Variants in TTBK2 observed in about 807,000 individuals in gnomAD.
TTBK2 encodes tau-tubulin kinase 2.
Under a neutral mutation model 110.8 loss-of-function variants are expected in TTBK2, and 28 were observed. The ratio of observed to expected loss-of-function variants is 0.25; its 90% confidence interval spans 0.19 to 0.35. The LOEUF (loss-of-function observed/expected upper bound fraction) is 0.35. Ranked by LOEUF, TTBK2 falls within the 10% of genes least tolerant of loss-of-function variation. TTBK2 has a pLI of 1.00. For synonymous variants in TTBK2, 532 were observed against 527.3 expected, an observed-to-expected ratio of 1.01 and a Z score of -0.12; for missense variants, 1,369 against 1,500.3, an observed-to-expected ratio of 0.91 and a Z score of 1.45.
intron 1 of TTBK2, among the ~76,000 whole-genome samples, chr15:42,884,733 A>C (rs773059308): frequency 6.6e-6 from 1 of 152,174 alleles, no homozygotes; most frequent in Admixed American, 6.5e-5. Context: ...AAAAACACAA[A>C]AGCACAAGTT....
Position 42,745,881 on chromosome 15 carries a change from T to C in TTBK2, c.3649A>G (p.Lys1217Glu). Residue 1217 changes from lysine to glutamate, a missense_variant, in exon 15 of 15, where the codon AAA becomes GAA. Transcript: ENST00000267890. ...TGGTGGTGGAGGCTGCCGGATCCTTTCAGGCCATTCTTGCTGGGTTTGCAA... is the reference window on the plus strand; with the variant it reads ...TGGTGGTGGAGGCTGCCGGATCCTTCCAGGCCATTCTTGCTGGGTTTGCAA... ...EHCKPSKNGL[K>E]GSGSLHHHSA... The C allele has an allele frequency of 6.2e-7, 1 of 1,614,156 alleles. No homozygotes were observed. The highest frequency in any genetic ancestry group is 8.5e-7 in the Non-Finnish European group (1 of 1,180,036).
intron 1 of TTBK2, among the ~76,000 whole-genome samples, chr15:42,897,822 G>GTA (rs1289140708): frequency 8.9e-6 from 1 of 112,980 alleles, no homozygotes; most frequent in Non-Finnish European, 1.7e-5. Context: ...ACCAGTAGTG[G>GTA]TACACACACA....
chr15:42,910,752 TA>T (rs572776658), intron 1 of TTBK2, among the ~76,000 whole-genome samples: 2 of 151,716 alleles, frequency 1.3e-5, no homozygotes, highest in South Asian at 4.2e-4. Context: ...ATGTAAAAGG[TA>T]AAAAAATAGG....
At chr15:42,821,694 T>G (rs1003068802) in intron 6 of TTBK2, among the ~76,000 whole-genome samples, 68 of 128,250 alleles carry the variant, frequency 5.3e-4, no homozygotes, top group Admixed American at 1.0e-3. Context: ...TTGTTTTTTT[T>G]TTGTTTTTTT....
chr15:42,743,841 C>T lies in TTBK2; in HGVS notation c.*1954G>A, dbSNP rs1355746511. 6.6e-6 allele frequency: 1 copy of T among 151,750 alleles called. No homozygotes were observed. The highest frequency in any genetic ancestry group is 1.5e-5 in the Non-Finnish European group (1 of 67,712). The allele number at this position is 151,750 out of a possible 1,614,324, so 9.4% of individuals were successfully genotyped here. ...ACTCTGAGGTGTCACATGCCAAGAA[C>T]ATAGTTTCAGAAAATGAAGATAGGC... On this transcript the variant is annotated 3_prime_UTR_variant, in exon 15 of 15. Coordinates refer to ENST00000267890, the MANE Select transcript of TTBK2 (RefSeq NM_173500.4).
intron 10 of TTBK2, among the ~76,000 whole-genome samples, chr15:42,790,345 C>T (rs1027218871): frequency 1.1e-4 from 17 of 149,514 alleles, no homozygotes; most frequent in African/African-American, 3.4e-4. Flanking sequence ...AGTATAGTGG[C>T]GCGATCTCAG....
intron 3 of TTBK2, among the ~76,000 whole-genome samples, chr15:42,862,351 A>G (rs1248455629): frequency 1.3e-5 from 2 of 152,156 alleles, no homozygotes; most frequent in African/African-American, 2.4e-5. Context: ...ATACTAGCAA[A>G]CCAAATCCAG....
At chr15:42,767,362 G>A (rs549684316) in intron 13 of TTBK2, among the ~76,000 whole-genome samples, 15 of 152,078 alleles carry the variant, frequency 9.9e-5, no homozygotes, top group East Asian at 5.8e-4. Flanking sequence ...TTGAAAGACC[G>A]CTAGCAAGAC....
intron 3 of TTBK2, among the ~76,000 whole-genome samples, chr15:42,853,431 T>C (rs1357799840): frequency 1.3e-5 from 2 of 152,240 alleles, no homozygotes; most frequent in Non-Finnish European, 2.9e-5. Flanking sequence ...TATTCTGTTA[T>C]TTTTTGGTAT....
chr15:42,825,992 T>A (rs1053898630), intron 6 of TTBK2, among the ~76,000 whole-genome samples: 2 of 152,094 alleles, frequency 1.3e-5, no homozygotes, highest in Non-Finnish European at 2.9e-5. Flanking sequence ...CTTAATTTTT[T>A]AATGTTTTTT....
chr15:42,752,015 T>C lies in TTBK2; in HGVS notation c.3231A>G (p.Pro1077=). The part of the protein sequence containing the change: ...SSTSSQFFPR[P]PPGKPPTRPG... ...GCCTCGTGGGTGGCTTTCCTGGTGG[T>C]GGCCGAGGAAAGAACTGAGACGAAG... Residue 1077 remains proline (P), a synonymous_variant, in exon 14 of 15, where the codon CCA becomes CCG. Coordinates refer to ENST00000267890, the MANE Select transcript of TTBK2 (RefSeq NM_173500.4). 1 of 1,614,204 alleles carries C rather than the reference T, an allele frequency of 6.2e-7. No homozygotes were observed. The highest frequency in any genetic ancestry group is 8.5e-7 in the Non-Finnish European group (1 of 1,180,034).
At chr15:42,802,190 G>A (rs749465485) in intron 9 of TTBK2, 3 of 1,116,460 alleles carry the variant, frequency 2.7e-6, no homozygotes, top group African/African-American at 1.5e-5. Context: ...AGGTTAAGAG[G>A]GCTCAGCAGG....
chr15:42,748,615 G>A (rs1319715388), intron 14 of TTBK2, among the ~76,000 whole-genome samples: 1 of 151,858 alleles, frequency 6.6e-6, no homozygotes, highest in Non-Finnish European at 1.5e-5. Flanking sequence ...GTTTCACCAT[G>A]TTGCCCAGGC....
chr15:42,788,909 A>T (rs2065741197), intron 10 of TTBK2, among the ~76,000 whole-genome samples: 1 of 152,132 alleles, frequency 6.6e-6, no homozygotes, highest in Non-Finnish European at 1.5e-5. Flanking sequence ...TTACTTCCTT[A>T]AATTGTATTT....
chr15:42,914,527 A>C (rs1298192733), intron 1 of TTBK2, among the ~76,000 whole-genome samples: 2 of 152,084 alleles, frequency 1.3e-5, no homozygotes, highest in African/African-American at 4.8e-5. Context: ...TAACATAGGA[A>C]CTCTGTCAGT....
intron 4 of TTBK2, among the ~76,000 whole-genome samples, chr15:42,833,325 C>G (rs375665916): frequency 2.9e-4 from 43 of 148,236 alleles, no homozygotes; most frequent in Middle Eastern, 7.2e-3. Flanking sequence ...GTTCATTTCT[C>G]TATAAATTTA....
intron 9 of TTBK2, among the ~76,000 whole-genome samples, chr15:42,798,949 C>G (rs547071938): frequency 6.6e-6 from 1 of 152,252 alleles, no homozygotes; most frequent in African/African-American, 2.4e-5. Flanking sequence ...AATCGAAAAT[C>G]CAAAATATTC....
chr15:42,779,091 G>T (rs1890066571), intron 11 of TTBK2, among the ~76,000 whole-genome samples: 1 of 152,192 alleles, frequency 6.6e-6, no homozygotes, highest in Non-Finnish European at 1.5e-5. Flanking sequence ...ACTGAAGCCA[G>T]AGGAAAAATA....
intron 13 of TTBK2, among the ~76,000 whole-genome samples, chr15:42,769,676 T>C (rs1889569906): frequency 6.6e-6 from 1 of 152,168 alleles, no homozygotes; most frequent in South Asian, 2.1e-4. Flanking sequence ...GTAAACTAGT[T>C]CAACCATTGT....
Sources: allele counts gnomAD v4.1 joint callset (sites outside exome capture counted in the v4.1 genomes callset), GRCh38; gene constraint gnomAD v4.1.1; transcripts MANE v1.5; gene names NCBI Gene and HGNC (gene_info 2026-07-23, HGNC 2026-07-21).